The following WDFY4 variants were observed in gnomAD, a reference collection of about 807,000 sequenced individuals.
The protein encoded by WDFY4 is WDFY family member 4, also known as WD repeat- and FYVE domain-containing protein 4.
WDFY4 carries 169 observed loss-of-function variants against 351.9 expected under a neutral mutation model. The observed-to-expected ratio is 0.48, with a 90% confidence interval of 0.42 to 0.55. WDFY4 has a LOEUF of 0.55. WDFY4 is among the 20% of genes least tolerant of loss of function. The probability of loss-of-function intolerance (pLI) is 0.00; values close to 1 mark genes in which losing one functional copy is unlikely to be tolerated. For synonymous variants in WDFY4, 1,622 were observed against 1,574.6 expected, an observed-to-expected ratio of 1.03 and a Z score of -0.71; for missense variants, 3,803 against 3,935.6, an observed-to-expected ratio of 0.97 and a Z score of 0.90.
intron 11 of WDFY4, 80 bp downstream of exon 11, chr10:48,736,150 T>C: frequency 6.6e-7 from 1 of 1,504,084 alleles, no homozygotes; most frequent in Non-Finnish European, 9.1e-7. Context: ...GCATTTGTAT[T>C]CATGTAATTC....
At position 48,966,560 on chromosome 10, in the gene WDFY4, C is replaced by T; in HGVS notation, c.8471C>T (p.Ala2824Val). 1 of 1,552,114 alleles carries T rather than the reference C, an allele frequency of 6.4e-7. No individual in the cohort carries two copies. The highest frequency in any genetic ancestry group is 8.7e-7 in the Non-Finnish European group (1 of 1,147,074). The stretch of plus-strand genomic sequence containing the variant: ...AAACCTCACCCAGCCAGGACTGCAG[C>T]AGGGAAGCCTCTGCCTGGAAAGGAT... ...FTKPHPARTAAGKPLPGKDVS... is the reference protein window; with the variant it reads ...FTKPHPARTAVGKPLPGKDVS... The change falls in exon 55 of 62, where the codon GCA (alanine) becomes GTA (valine). Residue 2824 changes from alanine to valine, a missense_variant. Around this residue, in one of 3 missense-constraint regions of WDFY4, gnomAD observed 3,054 missense variants for 3,148.6 expected, o/e 0.97. Transcript: ENST00000325239.
intron 3 of WDFY4, among the ~76,000 whole-genome samples, chr10:48,720,615 T>C (rs1360289445): frequency 6.6e-6 from 1 of 151,528 alleles, no homozygotes; most frequent in African/African-American, 2.4e-5. Flanking sequence ...CACACAGATA[T>C]ACACATAGGC....
intron 43 of WDFY4, among the ~76,000 whole-genome samples, chr10:48,886,413 A>T (rs983692074): frequency 6.6e-6 from 1 of 152,138 alleles, no homozygotes; most frequent in African/African-American, 2.4e-5. Flanking sequence ...GTATTAAGAG[A>T]TGGGGTCTTT....
intron 47 of WDFY4, among the ~76,000 whole-genome samples, chr10:48,935,774 TGTGTA>T (rs1249737281): frequency 2.6e-5 from 4 of 152,256 alleles, no homozygotes; most frequent in African/African-American, 9.6e-5. Flanking sequence ...TAAATGCTGA[TGTGTA>T]GTTTCTGAAA....
intron 57 of WDFY4, among the ~76,000 whole-genome samples, chr10:48,973,939 A>C (rs1024498131): frequency 3.3e-5 from 5 of 152,156 alleles, no homozygotes; most frequent in African/African-American, 1.2e-4. Flanking sequence ...TTTGATGACC[A>C]TGTGACCTCC....
chr10:48,867,024 G>A (rs1306871078), intron 39 of WDFY4, among the ~76,000 whole-genome samples: 1 of 151,870 alleles, frequency 6.6e-6, no homozygotes, highest in Admixed American at 6.6e-5. Flanking sequence ...ACAAAAATTA[G>A]CCAGGCATGG....
At chr10:48,930,492 C>T (rs911733479) in intron 47 of WDFY4, among the ~76,000 whole-genome samples, 2 of 152,112 alleles carry the variant, frequency 1.3e-5, no homozygotes, top group Admixed American at 6.5e-5. Flanking sequence ...GCCACCTTAA[C>T]TGGGTTAGGC....
chr10:48,778,458 G>A (rs539447353), intron 17 of WDFY4, among the ~76,000 whole-genome samples, 153 bp from the exon 18 acceptor site: 3 of 152,366 alleles, frequency 2.0e-5, no homozygotes, highest in South Asian at 2.1e-4. Context: ...CCTTGGCAAG[G>A]CAGCATGCCA....
Position 48,877,065 on chromosome 10 carries a change from C to T in WDFY4, c.7033C>T (p.Pro2345Ser). 6.6e-7 allele frequency: 1 copy of T among 1,516,880 alleles called. No individual in the cohort carries two copies. Among genetic ancestry groups the T allele is most frequent in the Non-Finnish European group, 8.9e-7 (1 of 1,129,026 alleles). 94.0% of individuals were successfully genotyped at this position (1,516,880 alleles called of 1,614,324 possible). A position where few individuals can be genotyped will look rare whatever the true frequency, so the allele number is the denominator to read the frequency against. ...ELTLREAEGE[P>S]DEVGVDCTQL... ...GACACTGAGGGAGGCTGAGGGCGAGCCGGACGAGGTGGGGGTGGACTGCAC... is the reference window on the plus strand; with the variant it reads ...GACACTGAGGGAGGCTGAGGGCGAGTCGGACGAGGTGGGGGTGGACTGCAC... The change falls in exon 43 of 62, where the codon CCG (proline) becomes TCG (serine). Residue 2345 changes from proline (P) to serine (S), a missense_variant. By Grantham distance (74) the Pro-to-Ser change is moderately conservative. Around this residue, in one of 3 missense-constraint regions of WDFY4, gnomAD observed 3,054 missense variants for 3,148.6 expected, o/e 0.97. Coordinates refer to ENST00000325239, the MANE Select transcript of WDFY4 (RefSeq NM_001394531.1).
In WDFY4 at chr10:48,820,410, G is replaced by A; in HGVS notation, c.5682G>A (p.Gln1894=). 4 of 1,551,574 alleles carry A rather than the reference G, an allele frequency of 2.6e-6. No individual in the cohort carries two copies. Among genetic ancestry groups the A allele is most frequent in the Non-Finnish European group, 3.5e-6 (4 of 1,146,974 alleles). Residue 1894 remains glutamine (Q), a synonymous_variant, in exon 33 of 62, where the codon CAG becomes CAA. Transcript: ENST00000325239. Reference sequence around the variant, plus strand: ...TGCTTGGAGCCTCCAGCCCCAAGCAGTGGCTGCCCCTGGAGGTGCTCCTGG... The same window carrying A: ...TGCTTGGAGCCTCCAGCCCCAAGCAATGGCTGCCCCTGGAGGTGCTCCTGG... The part of the protein sequence containing the change: ...ELLLGASSPK[Q]WLPLEVLLEA...
chr10:48,716,145 C>T (rs2063903028), intron 2 of WDFY4, among the ~76,000 whole-genome samples: 1 of 152,008 alleles, frequency 6.6e-6, no homozygotes, highest in Admixed American at 6.5e-5. Flanking sequence ...TACTGCATCA[C>T]ACTCGCAGGG....
chr10:48,703,173 G>T (rs774189334), intron 1 of WDFY4, among the ~76,000 whole-genome samples: 7 of 151,020 alleles, frequency 4.6e-5, no homozygotes, highest in Non-Finnish European at 1.5e-5. Flanking sequence ...GAATGGCTTT[G>T]CTATTTATTT....
At chr10:48,966,125 A>G (rs1842070686) in intron 54 of WDFY4, among the ~76,000 whole-genome samples, 1 of 152,168 alleles carries the variant, frequency 6.6e-6, no homozygotes, top group Admixed American at 6.5e-5. Context: ...TGAGGGAAGG[A>G]TGAAAACTAT....
intron 2 of WDFY4, among the ~76,000 whole-genome samples, chr10:48,715,212 G>T (rs2063868744): frequency 6.6e-6 from 1 of 152,244 alleles, no homozygotes; most frequent in East Asian, 1.9e-4. Flanking sequence ...CCCATTAGCT[G>T]CCCTAGCAGA....
intron 47 of WDFY4, among the ~76,000 whole-genome samples, chr10:48,930,721 C>T (rs538070851): frequency 6.6e-6 from 1 of 151,948 alleles, no homozygotes; most frequent in Admixed American, 6.5e-5. Context: ...AAATATCTAA[C>T]AATAGATGAG....
In WDFY4 at chr10:48,982,607, C is replaced by T. The variant is rs1433121531; in HGVS notation, c.*32C>T. 3 of 1,542,334 alleles carry T rather than the reference C, an allele frequency of 1.9e-6. No homozygotes were observed. Among genetic ancestry groups the T allele is most frequent in the African/African-American group, 1.4e-5 (1 of 72,784 alleles). On this transcript the variant is annotated 3_prime_UTR_variant, in exon 62 of 62. Transcript: ENST00000325239. ...AGAGGCAGCAGAGGCTCTGGCACAACAGTGCCAGGCTGAGGGTGGCAGAGG... is the reference window on the plus strand; with the variant it reads ...AGAGGCAGCAGAGGCTCTGGCACAATAGTGCCAGGCTGAGGGTGGCAGAGG...
intron 59 of WDFY4, 103 bp from the exon 60 acceptor site, chr10:48,978,206 C>A: frequency 8.4e-7 from 1 of 1,196,170 alleles, no homozygotes; most frequent in Non-Finnish European, 1.2e-6. Flanking sequence ...TGTGTTCATC[C>A]TTTCCCTGGG....
At chr10:48,812,819 C>T (rs1378713250) in intron 30 of WDFY4, among the ~76,000 whole-genome samples, 2 of 152,152 alleles carry the variant, frequency 1.3e-5, no homozygotes, top group East Asian at 1.9e-4. Context: ...GCAATTCACC[C>T]GCCCTCAGCT....
At chr10:48,723,957 A>G (rs2064178390) in intron 5 of WDFY4, among the ~76,000 whole-genome samples, 3 of 151,412 alleles carry the variant, frequency 2.0e-5, no homozygotes, top group African/African-American at 7.3e-5. Flanking sequence ...CCCTTGAGTA[A>G]ACTTGAGTTT....
Sources: gnomAD v4.1 joint callset for allele counts (sites outside exome capture counted in the v4.1 genomes callset) on GRCh38, gnomAD v4.1.1 for gene constraint, gnomAD v4.1.1 regional missense constraint, MANE v1.5 for transcripts, NCBI Gene and HGNC (gene_info 2026-07-23, HGNC 2026-07-21) for gene names.